The following PPARGC1A variants were observed in gnomAD, a reference collection of about 807,000 sequenced individuals.
PPARGC1A encodes the protein PPARG coactivator 1 alpha.
In PPARGC1A, 25 loss-of-function variants were observed where a neutral mutation model predicts 88.7. That is an observed-to-expected ratio of 0.28 (90% CI 0.21 to 0.39). PPARGC1A has a LOEUF of 0.39. Ranked by LOEUF, PPARGC1A falls within the 10% of genes least tolerant of loss-of-function variation. The probability of loss-of-function intolerance (pLI) is 1.00; values close to 1 mark genes in which losing one functional copy is unlikely to be tolerated. For missense variants in PPARGC1A, 880 were observed against 968.7 expected (o/e 0.91, Z 1.22); for synonymous variants, 363 against 355.6 (o/e 1.02, Z -0.24).
chr4:24,313,449 T>G, the PPARGC1A span, among the ~76,000 whole-genome samples: 2 of 152,246 alleles, frequency 1.3e-5, no homozygotes, highest in African/African-American at 4.8e-5. Flanking sequence ...CTCTGATTCC[T>G]TATAGCCTCA....
chr4:23,892,544 G>GTTTT (rs34009315), upstream of PPARGC1A, among the ~76,000 whole-genome samples: 1 of 144,102 alleles, frequency 6.9e-6, no homozygotes, highest in African/African-American at 2.5e-5. Flanking sequence ...CTTCAGTCCA[G>GTTTT]TTTTTTTTTT....
the PPARGC1A span, among the ~76,000 whole-genome samples, chr4:24,098,331 C>G: frequency 6.6e-6 from 1 of 152,168 alleles, no homozygotes; most frequent in African/African-American, 2.4e-5. Context: ...AAAATAGTGG[C>G]AAATACATGT....
the PPARGC1A span, among the ~76,000 whole-genome samples, chr4:24,389,742 T>C: frequency 1.0e-3 from 159 of 152,276 alleles, no homozygotes; most frequent in African/African-American, 3.6e-3. Context: ...CATTAACTTT[T>C]CTGATTGTGC....
chr4:23,963,128 A>G, the PPARGC1A span, among the ~76,000 whole-genome samples: 1 of 152,182 alleles, frequency 6.6e-6, no homozygotes, highest in South Asian at 2.1e-4. Flanking sequence ...GACCCCGTGA[A>G]AAAACCACAA....
At position 23,807,477 on chromosome 4, in the gene PPARGC1A, G is replaced by A. The variant is rs374552420; in HGVS notation, c.2020-5132C>T. On this transcript the variant is annotated intron_variant, in intron 10 of 12. Coordinates refer to ENST00000264867, the MANE Select transcript of PPARGC1A (RefSeq NM_013261.5). The stretch of plus-strand genomic sequence containing the variant: ...CCAGGTTAGTCTATTTAAAAGGTAA[G>A]ATGCAAATAAAAGCTAACATGCAAG... 1.3e-4 allele frequency among the ~76,000 whole-genome samples: 20 copies of A among 152,264 alleles called. No individual in the cohort carries two copies. In the East Asian group the frequency reaches 1.3e-3, roughly 10 times the overall value.
At chr4:24,243,822 C>A in the PPARGC1A span, among the ~76,000 whole-genome samples, 1 of 152,164 alleles carries the variant, frequency 6.6e-6, no homozygotes, top group Non-Finnish European at 1.5e-5. Context: ...TTGTGCTAGT[C>A]ACATGGAATC....
chr4:24,048,687 T>G, the PPARGC1A span, among the ~76,000 whole-genome samples: 1 of 152,204 alleles, frequency 6.6e-6, no homozygotes, highest in East Asian at 1.9e-4. Context: ...CTACCCAACC[T>G]GAGCCTATGG....
At chr4:23,940,153 CAG>C in the PPARGC1A span, among the ~76,000 whole-genome samples, 3 of 152,142 alleles carry the variant, frequency 2.0e-5, no homozygotes, top group Admixed American at 6.5e-5. Context: ...ATTTACCAAA[CAG>C]TAATTAATTT....
chr4:24,134,578 G>A, the PPARGC1A span, among the ~76,000 whole-genome samples: 1 of 152,208 alleles, frequency 6.6e-6, no homozygotes, highest in African/African-American at 2.4e-5. Flanking sequence ...CTTTGGGAAG[G>A]AAAATCACAA....
chr4:24,044,243 A>T, the PPARGC1A span, among the ~76,000 whole-genome samples: 1 of 152,252 alleles, frequency 6.6e-6, no homozygotes, highest in Middle Eastern at 3.4e-3. Context: ...CTGAGCATTC[A>T]CTTACATAAA....
chr4:24,278,857 C>A, the PPARGC1A span, among the ~76,000 whole-genome samples: 2 of 152,178 alleles, frequency 1.3e-5, no homozygotes, highest in Non-Finnish European at 2.9e-5. Context: ...ACAGCTGAAC[C>A]TCTGCTCCCA....
the PPARGC1A span, among the ~76,000 whole-genome samples, chr4:24,441,428 C>CA: frequency 6.6e-6 from 1 of 152,188 alleles, no homozygotes; most frequent in Non-Finnish European, 1.5e-5. Context: ...ACCTCATTCT[C>CA]AGAGTCTAAG....
the PPARGC1A span, among the ~76,000 whole-genome samples, chr4:24,175,951 A>T: frequency 6.6e-6 from 1 of 152,024 alleles, no homozygotes; most frequent in African/African-American, 2.4e-5. Flanking sequence ...GCACAGAGTC[A>T]ACTGACCCAT....
the PPARGC1A span, among the ~76,000 whole-genome samples, chr4:23,933,603 C>T: frequency 2.0e-5 from 3 of 152,278 alleles, no homozygotes; most frequent in East Asian, 1.9e-4. Flanking sequence ...CCTACTGGCC[C>T]AGCAAACTCT....
chr4:24,008,936 C>T, the PPARGC1A span, among the ~76,000 whole-genome samples: 3 of 151,648 alleles, frequency 2.0e-5, no homozygotes, highest in African/African-American at 2.4e-5. Context: ...GTTCTTTTCC[C>T]GCGGTTTATA....
At chr4:23,864,237 T>G (rs1228203245) in intron 2 of PPARGC1A, among the ~76,000 whole-genome samples, 1 of 152,240 alleles carries the variant, frequency 6.6e-6, no homozygotes, top group East Asian at 1.9e-4. Flanking sequence ...ATTTATATGG[T>G]GCCTAGAACA....
At chr4:24,290,078 C>T in the PPARGC1A span, among the ~76,000 whole-genome samples, 47,849 of 151,932 alleles carry the variant, frequency 0.31, 7,974 homozygotes, top group African/African-American at 0.4. Flanking sequence ...GAGTACAGCA[C>T]GGGGAAAAAC....
At chr4:24,145,078 A>AGTGTGTGTGTGTGT in the PPARGC1A span, among the ~76,000 whole-genome samples, 94 of 144,314 alleles carry the variant, frequency 6.5e-4, no homozygotes, top group Middle Eastern at 0.018. Flanking sequence ...GTGTTGAATG[A>AGTGTGTGTGTGTGT]GTGTGTGTGT....
At chr4:24,264,661 C>T in the PPARGC1A span, among the ~76,000 whole-genome samples, 1 of 152,256 alleles carries the variant, frequency 6.6e-6, no homozygotes, top group African/African-American at 2.4e-5. Flanking sequence ...GCAAGGAAAG[C>T]ACCCAGCACA....
Sources: allele counts gnomAD v4.1 joint callset (sites outside exome capture counted in the v4.1 genomes callset), GRCh38; gene constraint gnomAD v4.1.1; transcripts MANE v1.5; gene names NCBI Gene and HGNC (gene_info 2026-07-23, HGNC 2026-07-21).